Variants in SNTG1 observed in about 807,000 individuals in gnomAD.
SNTG1 encodes syntrophin gamma 1.
In SNTG1, 39 loss-of-function variants were observed where a neutral mutation model predicts 74.7. The observed-to-expected ratio is 0.52, with a 90% CI of 0.40 to 0.68. SNTG1 has a LOEUF of 0.68. SNTG1 is among the 30% of genes least tolerant of loss of function. SNTG1 has a pLI of 0.00. For missense variants in SNTG1, 685 were observed against 609.5 expected, an observed-to-expected ratio of 1.12 and a Z score of -1.30; for synonymous variants, 254 against 217.1, an observed-to-expected ratio of 1.17 and a Z score of -1.49.
At chr8:50,266,327 T>C (rs1363321621) in intron 2 of SNTG1, among the ~76,000 whole-genome samples, 1 of 152,074 alleles carries the variant, frequency 6.6e-6, no homozygotes, top group Admixed American at 6.6e-5. Flanking sequence ...GGTGAGAGAA[T>C]TCAGTAGAAA....
At chr8:50,057,142 T>A (rs2130913315) in intron 1 of SNTG1, among the ~76,000 whole-genome samples, 1 of 152,290 alleles carries the variant, frequency 6.6e-6, no homozygotes, top group Middle Eastern at 3.4e-3. Context: ...CCTCTCTCTA[T>A]CATTTCTTTC....
At chr8:50,411,321 G>A (rs985138999) in intron 4 of SNTG1, among the ~76,000 whole-genome samples, 74 of 151,686 alleles carry the variant, frequency 4.9e-4, no homozygotes, top group African/African-American at 1.4e-3. Context: ...GGTGGCGGGC[G>A]CCTGTAGTGC....
chr8:50,303,968 C>A (rs2089767382), intron 2 of SNTG1, among the ~76,000 whole-genome samples: 1 of 152,118 alleles, frequency 6.6e-6, no homozygotes, highest in Non-Finnish European at 1.5e-5. Flanking sequence ...AATAGTTATG[C>A]CAAAACAGAT....
At chr8:50,085,996 T>A (rs949172506) in intron 1 of SNTG1, among the ~76,000 whole-genome samples, 1 of 151,896 alleles carries the variant, frequency 6.6e-6, no homozygotes, top group East Asian at 1.9e-4. Context: ...TGTCTTATGA[T>A]GAGTTCATAC....
In SNTG1 at chr8:50,564,565, C is replaced by T. The variant is rs530464675; in HGVS notation, c.810+11386C>T. Among the ~76,000 whole-genome samples, 159 of 152,248 alleles carry T rather than the reference C, an allele frequency of 1.0e-3. 1 individual carries two copies. The highest frequency in any genetic ancestry group is 7.9e-3 in the South Asian group (38 of 4,832). Reference sequence around the variant, plus strand: ...TACTCAAAGGGATGAAAGCCCCTCCCTCCCATACTCAAGTATTTACATGAA... The same window carrying T: ...TACTCAAAGGGATGAAAGCCCCTCCTTCCCATACTCAAGTATTTACATGAA... On this transcript the variant is annotated intron_variant, in intron 12 of 18. Transcript: ENST00000642720.
At position 50,464,936 on chromosome 8, in the gene SNTG1, T is replaced by C. The variant is rs1020268816; in HGVS notation, c.363+14207T>C. 3.7e-5 allele frequency among the ~76,000 whole-genome samples: 5 copies of C among 136,104 alleles called. No homozygotes were observed. In the Admixed American group the frequency reaches 4.0e-4, roughly 11 times the overall value. The allele number at this position is 136,104 out of a possible 152,430, so 89.3% of individuals were successfully genotyped here. ...CAAACTGCAACCCAAAGACACAAAA[T>C]GAGTACATGCTGTTGGAAAAAAAAA... is the stretch of plus-strand genomic sequence containing the variant. On this transcript the variant is annotated intron_variant, in intron 8 of 18. Transcript: ENST00000642720.
intron 5 of SNTG1, among the ~76,000 whole-genome samples, chr8:50,442,017 C>T (rs1201349373): frequency 2.6e-5 from 4 of 152,156 alleles, no homozygotes; most frequent in African/African-American, 9.7e-5. Flanking sequence ...CCCGAAATGA[C>T]GTATGAGCAC....
At chr8:50,357,278 C>T (rs765475030) in intron 2 of SNTG1, among the ~76,000 whole-genome samples, 5 of 152,222 alleles carry the variant, frequency 3.3e-5, no homozygotes, top group Non-Finnish European at 5.9e-5. Flanking sequence ...CTTCTACATC[C>T]CTGTATTCCC....
chr8:50,189,651 A>C (rs1429169706), intron 2 of SNTG1, among the ~76,000 whole-genome samples: 1 of 152,178 alleles, frequency 6.6e-6, no homozygotes. Context: ...CCAGGTACCA[A>C]GTCTGCTGTA....
chr8:50,098,235 C>T (rs997475886), intron 1 of SNTG1, among the ~76,000 whole-genome samples: 1 of 152,104 alleles, frequency 6.6e-6, no homozygotes, highest in African/African-American at 2.4e-5. Flanking sequence ...AAGAAAAGAC[C>T]ATATGCCAAC....
At chr8:50,544,693 G>A (rs1368394175) in intron 11 of SNTG1, among the ~76,000 whole-genome samples, 1 of 151,926 alleles carries the variant, frequency 6.6e-6, no homozygotes, top group African/African-American at 2.4e-5. Context: ...ACACATGACA[G>A]CAATAAGCAT....
chr8:50,584,676 C>G (rs1285896822), intron 12 of SNTG1, among the ~76,000 whole-genome samples: 1 of 151,954 alleles, frequency 6.6e-6, no homozygotes, highest in African/African-American at 2.4e-5. Context: ...AGTGGTAGCC[C>G]TCTAGGTTTT....
intron 17 of SNTG1, among the ~76,000 whole-genome samples, chr8:50,738,027 C>T (rs745513092): frequency 4.6e-5 from 7 of 152,076 alleles, no homozygotes; most frequent in African/African-American, 7.2e-5. Flanking sequence ...CTCACCACTC[C>T]AATTCAAGAT....
intron 2 of SNTG1, among the ~76,000 whole-genome samples, chr8:50,212,062 G>A (rs1000499716): frequency 1.3e-5 from 2 of 152,072 alleles, no homozygotes; most frequent in African/African-American, 4.8e-5. Context: ...CACGCATTTT[G>A]GCAACATTGA....
intron 4 of SNTG1, among the ~76,000 whole-genome samples, chr8:50,424,116 C>G (rs1412978959): frequency 6.6e-6 from 1 of 152,038 alleles, no homozygotes; most frequent in African/African-American, 2.4e-5. Flanking sequence ...ATGGGTGAAT[C>G]AAAGGTTCCG....
chr8:50,422,251 TCTATCTATCTATCTATCTA>T lies in SNTG1; in HGVS notation c.163-16275_163-16257del, dbSNP rs1362955478. ...ATTTCCTTCAACAGCGATCTATCTATCTATCTATCTATCTATCTACTATCTATCTATCTATGTAGATAGG... is the reference window on the plus strand; with the variant it reads ...ATTTCCTTCAACAGCGATCTATCTATCTATCTATCTATCTATGTAGATAGG... On this transcript the variant is annotated intron_variant, in intron 4 of 18. Transcript: ENST00000642720. Among the ~76,000 whole-genome samples, 31 of 3,322 alleles carry T rather than the reference TCTATCTATCTATCTATCTA, an allele frequency of 9.3e-3. No individual in the cohort carries two copies. In the Non-Finnish European group the frequency reaches 0.16, roughly 17 times the overall value. 2.2% of individuals were successfully genotyped at this position (3,322 alleles called of 152,430 possible).
intron 18 of SNTG1, among the ~76,000 whole-genome samples, chr8:50,784,160 G>C (rs901576402): frequency 2.0e-5 from 3 of 152,180 alleles, no homozygotes; most frequent in African/African-American, 7.2e-5. Flanking sequence ...AGGGTGGGTG[G>C]AGTTATCTCA....
intron 13 of SNTG1, among the ~76,000 whole-genome samples, chr8:50,607,168 T>C (rs2094818692): frequency 6.6e-6 from 1 of 151,900 alleles, no homozygotes; most frequent in Non-Finnish European, 1.5e-5. Flanking sequence ...AAGTATTATT[T>C]AATTTTCATA....
intron 2 of SNTG1, among the ~76,000 whole-genome samples, chr8:50,183,785 G>A (rs1368381169): frequency 6.6e-6 from 1 of 152,038 alleles, no homozygotes; most frequent in Non-Finnish European, 1.5e-5. Context: ...TCTTACTTAT[G>A]AGTCATCATT....
Sources: gnomAD v4.1 joint callset for allele counts (sites outside exome capture counted in the v4.1 genomes callset) on GRCh38, gnomAD v4.1.1 for gene constraint, MANE v1.5 for transcripts, NCBI Gene and HGNC (gene_info 2026-07-23, HGNC 2026-07-21) for gene names.